The following HELQ variants were observed in gnomAD, a reference collection of about 807,000 sequenced individuals.
HELQ encodes the protein helicase POLQ-like.
In HELQ, 77 loss-of-function variants were observed where a neutral mutation model predicts 111.6. The observed-to-expected ratio is 0.69, with a 90% CI of 0.57 to 0.83. The LOEUF (loss-of-function observed/expected upper bound fraction) is 0.83, where lower values mean the gene tolerates loss of function less well. Ranked by LOEUF, HELQ falls within the 40% of genes least tolerant of loss-of-function variation. The pLI is 0.00. For missense variants in HELQ, 1,200 were observed against 1,288.5 expected (o/e 0.93, Z 1.05); for synonymous variants, 438 against 454.7 (o/e 0.96, Z 0.47).
chr4:83,427,107 G>C (rs1277089948), intron 13 of HELQ, among the ~76,000 whole-genome samples: 1 of 151,966 alleles, frequency 6.6e-6, no homozygotes, highest in Non-Finnish European at 1.5e-5. Context: ...TTGCATTCTA[G>C]GCATTATCAA....
rs191402531 is a variant in HELQ at position 83,430,175 on chromosome 4, A to G, written c.2296-429T>C. On this transcript the variant is annotated intron_variant, in intron 11 of 17. Transcript: ENST00000295488. Reference sequence around the variant, plus strand: ...TTGCATTAAAAAAAAAAAAAGGAAAATACAACAGTTTCTGGGTGCAGCACA... The same window carrying G: ...TTGCATTAAAAAAAAAAAAAGGAAAGTACAACAGTTTCTGGGTGCAGCACA... Among the ~76,000 whole-genome samples the G allele has an allele frequency of 4.7e-3, 710 of 151,994 alleles. 8 individuals are homozygous for G. The highest frequency in any genetic ancestry group is 0.016 in the African/African-American group (676 of 41,440).
chr4:83,428,673 T>C (rs975010276), intron 12 of HELQ, among the ~76,000 whole-genome samples: 10 of 152,100 alleles, frequency 6.6e-5, no homozygotes, highest in Admixed American at 6.6e-4. Flanking sequence ...GCAGGCCAAA[T>C]GTGTTGTCTC....
rs552645224 is a variant in HELQ, at chr4:83,446,699, A to G, written c.1392+136T>C. 5.2e-6 allele frequency: 3 copies of G among 572,600 alleles called. No individual in the cohort carries two copies. In the African/African-American group the frequency reaches 5.6e-5, roughly 11 times the overall value. The allele number at this position is 572,600 out of a possible 1,614,324, so 35.5% of individuals were successfully genotyped here. A position where few individuals can be genotyped will look rare whatever the true frequency, so the allele number is the denominator to read the frequency against. On this transcript the variant is annotated intron_variant, in intron 4 of 17. Coordinates refer to ENST00000295488, the MANE Select transcript of HELQ (RefSeq NM_133636.5). ...AGATTATCAAGCATAGAATGTCTTC[A>G]CCTATATTGTCTATATTTTCAAATA...
chr4:83,442,448 C>G (rs7680790), intron 6 of HELQ, among the ~76,000 whole-genome samples: 12,199 of 150,758 alleles, frequency 0.081, 1,821 homozygotes, highest in African/African-American at 0.28. Flanking sequence ...TTTTCTCTCT[C>G]TTGCAAGGCT....
intron 15 of HELQ, among the ~76,000 whole-genome samples, chr4:83,421,191 A>T (rs1487549568): frequency 6.6e-6 from 1 of 152,174 alleles, no homozygotes; most frequent in East Asian, 1.9e-4. Context: ...TTTCTAACCA[A>T]ACACCTGACA....
At chr4:83,414,091 G>T (rs1578064213) in intron 17 of HELQ, among the ~76,000 whole-genome samples, 1 of 152,196 alleles carries the variant, frequency 6.6e-6, no homozygotes, top group East Asian at 1.9e-4. Flanking sequence ...ATCAGAATTA[G>T]GGTTATCAGT....
At chr4:83,454,055 T>C in intron 1 of HELQ, 110 bp from the exon 2 acceptor site, 1 of 715,992 alleles carries the variant, frequency 1.4e-6, no homozygotes, top group Non-Finnish European at 2.4e-6. Context: ...AATACAAAAA[T>C]TAGCCGGGCA....
intron 16 of HELQ, 136 bp from the exon 17 acceptor site, chr4:83,417,001 T>C (rs1739397542): frequency 2.7e-6 from 2 of 734,082 alleles, no homozygotes; most frequent in Admixed American, 3.2e-5. Context: ...AGACAAGACA[T>C]GAGAATACTG....
At chr4:83,440,087 A>G in intron 7 of HELQ, 79 bp from the exon 8 acceptor site, 2 of 1,068,650 alleles carry the variant, frequency 1.9e-6, no homozygotes, top group Non-Finnish European at 2.8e-6. Flanking sequence ...GTGATTTGAA[A>G]GGTAAATAAA....
chr4:83,421,867 C>G, intron 14 of HELQ, 131 bp from the exon 15 acceptor site: 1 of 670,352 alleles, frequency 1.5e-6, no homozygotes, highest in Non-Finnish European at 2.6e-6. Flanking sequence ...AGAAACAAAA[C>G]TAATTTCTAA....
intron 9 of HELQ, among the ~76,000 whole-genome samples, chr4:83,433,820 A>G (rs1486059095): frequency 1.3e-5 from 2 of 152,036 alleles, no homozygotes. Context: ...CGTCTCTACT[A>G]AAAACACAAA....
intron 3 of HELQ, among the ~76,000 whole-genome samples, chr4:83,448,281 T>G (rs1318394019): frequency 6.6e-6 from 1 of 152,160 alleles, no homozygotes; most frequent in African/African-American, 2.4e-5. Flanking sequence ...TTAGAAAAAG[T>G]AAAACTTTCA....
At chr4:83,411,842 T>C (rs1352508349) in intron 17 of HELQ, among the ~76,000 whole-genome samples, 10 of 151,922 alleles carry the variant, frequency 6.6e-5, no homozygotes, top group Admixed American at 2.6e-4. Flanking sequence ...AGGGTCTTGC[T>C]ATGTTGCCCA....
intron 9 of HELQ, among the ~76,000 whole-genome samples, chr4:83,434,564 G>A (rs754128432): frequency 1.2e-4 from 18 of 151,920 alleles, no homozygotes; most frequent in Admixed American, 5.2e-4. Context: ...CTGGGCTCAA[G>A]CAATCTTCCC....
At chr4:83,449,014 T>A in intron 2 of HELQ, 53 bp from the exon 3 acceptor site, 1 of 1,311,652 alleles carries the variant, frequency 7.6e-7, no homozygotes, top group South Asian at 1.4e-5. Flanking sequence ...ACTTTGAAAC[T>A]CAAAAGTTTT....
intron 14 of HELQ, among the ~76,000 whole-genome samples, chr4:83,424,138 G>T (rs986000653): frequency 3.4e-4 from 52 of 152,018 alleles, no homozygotes; most frequent in Middle Eastern, 6.8e-3. Context: ...TATCAATTTG[G>T]CAAATATTTG....
intron 2 of HELQ, among the ~76,000 whole-genome samples, chr4:83,449,519 A>G (rs1195118997): frequency 1.3e-5 from 2 of 152,230 alleles, no homozygotes; most frequent in Admixed American, 6.5e-5. Context: ...TAAACCACAA[A>G]AGACTAGGAT....
At position 83,453,246 on chromosome 4, in the gene HELQ, T is replaced by A. The variant is rs765592299; in HGVS notation, c.997A>T (p.Ile333Phe). 1.3e-6 allele frequency: 2 copies of A among 1,597,910 alleles called. No individual in the cohort carries two copies. Among genetic ancestry groups the A allele is most frequent in the East Asian group, 4.5e-5 (2 of 44,836 alleles). Residue 333 changes from isoleucine (I) to phenylalanine (F), a missense_variant, in exon 2 of 18, where the codon ATT (isoleucine) becomes TTT (phenylalanine). Coordinates refer to ENST00000295488, the MANE Select transcript of HELQ (RefSeq NM_133636.5). The stretch of plus-strand genomic sequence containing the variant: ...AAAGCATTACCATATAATTTTTCAA[T>A]TCCCTTGAATTGGGCATAAAGGTCT... ...VRDLYAQFKGIEKLYEWQHTC... is the reference protein window; with the variant it reads ...VRDLYAQFKGFEKLYEWQHTC...
chr4:83,431,894 A>G, intron 10 of HELQ, 126 bp from the exon 11 acceptor site: 1 of 502,712 alleles, frequency 2.0e-6, no homozygotes, highest in Non-Finnish European at 3.3e-6. Flanking sequence ...TAAAGACAAA[A>G]GAATTTAACA....
Sources: allele counts gnomAD v4.1 joint callset (sites outside exome capture counted in the v4.1 genomes callset), GRCh38; gene constraint gnomAD v4.1.1; transcripts MANE v1.5; gene names NCBI Gene and HGNC (gene_info 2026-07-23, HGNC 2026-07-21).